MS4A18: variants seen among roughly 807,000 people sequenced by gnomAD.
The protein encoded by MS4A18 is membrane spanning 4-domains A18.
Under a neutral mutation model 13.1 loss-of-function variants are expected in MS4A18, and 27 were observed. The observed-to-expected ratio is 2.06, with a 90% confidence interval of 1.52 to 2.84. MS4A18 has a LOEUF of 2.84. MS4A18 is among the 30% of genes most tolerant of loss of function. The pLI is 0.00. For missense variants in MS4A18, 307 were observed against 196.4 expected, an observed-to-expected ratio of 1.56 and a Z score of -3.37; for synonymous variants, 126 against 76.5, an observed-to-expected ratio of 1.65 and a Z score of -3.38.
chr11:60,734,573 C>G (rs981732467), intron 2 of MS4A18, among the ~76,000 whole-genome samples: 1 of 152,148 alleles, frequency 6.6e-6, no homozygotes, highest in African/African-American at 2.4e-5. Flanking sequence ...ATAAATTGAA[C>G]ACCCACATGT....
At chr11:60,739,290 G>A (rs896709950) in intron 4 of MS4A18, among the ~76,000 whole-genome samples, 8 of 151,942 alleles carry the variant, frequency 5.3e-5, no homozygotes, top group African/African-American at 1.7e-4. Flanking sequence ...CGGCCTAGGG[G>A]GCTGCCACAC....
At chr11:60,736,697 T>C (rs914122640) in intron 2 of MS4A18, among the ~76,000 whole-genome samples, 1 of 152,170 alleles carries the variant, frequency 6.6e-6, no homozygotes, top group Non-Finnish European at 1.5e-5. Context: ...AACATAATAA[T>C]AATGAGATTT....
chr11:60,742,142 C>A (rs758779910), intron 5 of MS4A18, among the ~76,000 whole-genome samples: 3 of 152,156 alleles, frequency 2.0e-5, no homozygotes, highest in Non-Finnish European at 4.4e-5. Flanking sequence ...TCTGCCCATG[C>A]CATTGTTTTC....
chr11:60,731,809 C>T (rs952950924), intron 1 of MS4A18, among the ~76,000 whole-genome samples: 2 of 152,106 alleles, frequency 1.3e-5, no homozygotes, highest in African/African-American at 4.8e-5. Flanking sequence ...AGAAATCACT[C>T]GAAAAACCGT....
chr11:60,741,739 CT>C (rs1318070559), intron 5 of MS4A18, among the ~76,000 whole-genome samples: 2 of 152,224 alleles, frequency 1.3e-5, no homozygotes. Context: ...ACTCTTTCCT[CT>C]GGCCACAAAT....
intron 5 of MS4A18, among the ~76,000 whole-genome samples, 163 bp from the exon 7 acceptor site, chr11:60,743,487 T>C (rs1204789042): frequency 6.6e-6 from 1 of 152,212 alleles, no homozygotes; most frequent in Non-Finnish European, 1.5e-5. Context: ...ACAGATCATA[T>C]TTACTGTTGC....
intron 1 of MS4A18, among the ~76,000 whole-genome samples, chr11:60,731,032 T>C (rs893537794): frequency 6.6e-6 from 1 of 152,012 alleles, no homozygotes; most frequent in African/African-American, 2.4e-5. Flanking sequence ...AGGCAGAGCT[T>C]GCAGTGAGCC....
chr11:60,735,511 T>TA (rs1277088722), intron 2 of MS4A18, among the ~76,000 whole-genome samples: 1 of 148,208 alleles, frequency 6.7e-6, no homozygotes, highest in East Asian at 2.0e-4. Context: ...TTTTTTTTTT[T>TA]TTTTTTTTTT....
At chr11:60,741,090 A>G in exon 5 of MS4A18, 1 of 702,990 alleles carries the variant, frequency 1.4e-6, no homozygotes, top group Non-Finnish European at 2.6e-6. Context: ...GTTCATCCTC[A>G]CTTGTGTGGT....
chr11:60,728,348 C>G (rs6591620), upstream of MS4A18, among the ~76,000 whole-genome samples: 1 of 151,770 alleles, frequency 6.6e-6, no homozygotes, highest in Non-Finnish European at 1.5e-5. Context: ...AACCTAGAAC[C>G]GAGAGTCAAA....
chr11:60,733,629 G>T (rs117959266), exon 2 of MS4A18: 309 of 703,596 alleles, frequency 4.4e-4, no homozygotes, highest in Non-Finnish European at 7.5e-4. Flanking sequence ...CAGGGTACCC[G>T]CTCTGGGGAG....
rs201174232 is a variant in MS4A18, at chr11:60,736,973, C to T, written c.592-5C>T. On this transcript the variant is annotated splice_polypyrimidine_tract_variant and splice_region_variant and intron_variant, in intron 2 of 5. Transcript: ENST00000529108. ...ATTCTTTTTTTTTTTTTTTTGTCTG[C>T]GTAGTATATTGTATCTGGATCCCTC... 6.8e-4 allele frequency: 456 copies of T among 674,246 alleles called. 3 individuals are homozygous for T. In the African/African-American group the frequency reaches 7.7e-3, roughly 11 times the overall value. The allele number at this position is 674,246 out of a possible 1,614,324, so 41.8% of individuals were successfully genotyped here.
upstream of MS4A18, among the ~76,000 whole-genome samples, chr11:60,725,687 A>C (rs545256282): frequency 6.6e-6 from 1 of 152,322 alleles, no homozygotes; most frequent in South Asian, 2.1e-4. Context: ...CATTTAGCAC[A>C]GTATTCATTA....
chr11:60,742,663 C>T (rs745692688), intron 5 of MS4A18, among the ~76,000 whole-genome samples: 8 of 152,168 alleles, frequency 5.3e-5, no homozygotes, highest in Non-Finnish European at 7.4e-5. Context: ...GTTCTTAGGC[C>T]TAGTTTTACT....
At chr11:60,744,207 C>T (rs75414437) in exon 6 of MS4A18, 29 of 552,598 alleles carry the variant, frequency 5.2e-5, no homozygotes, top group African/African-American at 4.9e-4. Context: ...AAATAATTTT[C>T]CTTTGGCTCT....
At chr11:60,741,115 G>T (rs1853408879) in exon 5 of MS4A18, 1 of 702,920 alleles carries the variant, frequency 1.4e-6, no homozygotes, top group South Asian at 1.5e-5. Flanking sequence ...CATTTTGGGT[G>T]CCAGGCTACC....
chr11:60,725,695 T>C (rs1444870494), upstream of MS4A18, among the ~76,000 whole-genome samples: 5 of 152,180 alleles, frequency 3.3e-5, no homozygotes. Flanking sequence ...ACAGTATTCA[T>C]TATGAAAATT....
intron 5 of MS4A18, among the ~76,000 whole-genome samples, chr11:60,742,738 A>G (rs1277645996): frequency 2.0e-5 from 3 of 152,224 alleles, no homozygotes; most frequent in African/African-American, 7.2e-5. Flanking sequence ...TAACTCATTA[A>G]GTCCTGGGCT....
At chr11:60,726,891 T>A (rs1853169612), upstream of MS4A18, among the ~76,000 whole-genome samples, 1 of 151,954 alleles carries the variant, frequency 6.6e-6, no homozygotes, top group Non-Finnish European at 1.5e-5. Context: ...AAGCCCCACA[T>A]GCATTAGGTA....
Sources: allele counts gnomAD v4.1 joint callset (sites outside exome capture counted in the v4.1 genomes callset), GRCh38; gene constraint gnomAD v4.1.1; transcripts MANE v1.5; gene names NCBI Gene and HGNC (gene_info 2026-07-23, HGNC 2026-07-21).